Variants in FAM107B observed in about 807,000 individuals in gnomAD.
FAM107B encodes the protein protein FAM107B.
Under a neutral mutation model 31.5 loss-of-function variants are expected in FAM107B, and 21 were observed. The observed-to-expected ratio is 0.67, with a 90% CI of 0.47 to 0.96. The LOEUF (loss-of-function observed/expected upper bound fraction) is 0.96. FAM107B is among the 40% of genes least tolerant of loss of function. The pLI, the probability that FAM107B is intolerant of heterozygous loss-of-function variation, is 0.00. For missense variants in FAM107B, 452 were observed against 377.1 expected (o/e 1.20, Z -1.64); for synonymous variants, 157 against 141.5 (o/e 1.11, Z -0.78).
At chr10:14,543,585 C>T (rs1350123625) in intron 2 of FAM107B, among the ~76,000 whole-genome samples, 4 of 151,678 alleles carry the variant, frequency 2.6e-5, no homozygotes, top group Non-Finnish European at 5.9e-5. Flanking sequence ...CCTGTTTTGC[C>T]TGTCTACCAT....
Position 14,774,742 on chromosome 10 carries a change from T to C in FAM107B, c.-79A>G. On this transcript the variant is annotated 5_prime_UTR_variant, in exon 1 of 5. Coordinates refer to ENST00000181796, the MANE Select transcript of FAM107B (RefSeq NM_031453.4). The stretch of plus-strand genomic sequence containing the variant: ...GTCCACATCACCTCCACTTTGCTTA[T>C]AGGAACTCTTTCCAATTGCCCGAAG... 2.1e-6 allele frequency: 3 copies of C among 1,452,724 alleles called. No homozygotes were observed. Among genetic ancestry groups the C allele is most frequent in the Non-Finnish European group, 2.8e-6 (3 of 1,069,238 alleles). 90.0% of individuals were successfully genotyped at this position (1,452,724 alleles called of 1,614,324 possible). A position where few individuals can be genotyped will look rare whatever the true frequency, so the allele number is the denominator to read the frequency against.
At chr10:14,543,110 T>C (rs1171378821) in intron 2 of FAM107B, among the ~76,000 whole-genome samples, 2 of 152,166 alleles carry the variant, frequency 1.3e-5, no homozygotes, top group African/African-American at 4.8e-5. Context: ...TTCTCTCTCC[T>C]ATGTAAAGTA....
At chr10:14,570,361 A>C (rs1040095114) in intron 2 of FAM107B, among the ~76,000 whole-genome samples, 59 of 152,216 alleles carry the variant, frequency 3.9e-4, no homozygotes, top group African/African-American at 1.3e-3. Flanking sequence ...GTATGTAGCA[A>C]GACAAGCCAT....
intron 2 of FAM107B, among the ~76,000 whole-genome samples, chr10:14,591,605 G>A (rs532019503): frequency 1.3e-5 from 2 of 152,286 alleles, no homozygotes; most frequent in African/African-American, 2.4e-5. Flanking sequence ...AACAGTCATC[G>A]ATGAATGCTA....
At chr10:14,770,803 C>T (rs1336359472) in intron 1 of FAM107B, among the ~76,000 whole-genome samples, 2 of 151,904 alleles carry the variant, frequency 1.3e-5, no homozygotes, top group African/African-American at 4.8e-5. Flanking sequence ...CTAAACCAAA[C>T]AAAAATGTTT....
intron 2 of FAM107B, among the ~76,000 whole-genome samples, chr10:14,545,038 G>C (rs984575979): frequency 6.6e-6 from 1 of 152,132 alleles, no homozygotes; most frequent in Admixed American, 6.5e-5. Context: ...GTCTCTGGGG[G>C]GTGGGCCCGG....
intron 1 of FAM107B, among the ~76,000 whole-genome samples, chr10:14,766,290 G>T (rs1227258282): frequency 6.6e-6 from 1 of 152,166 alleles, no homozygotes; most frequent in Admixed American, 6.5e-5. Context: ...AAAAGACAAA[G>T]GATGGGCATG....
intron 2 of FAM107B, among the ~76,000 whole-genome samples, chr10:14,654,745 T>C (rs1341060831): frequency 2.0e-5 from 3 of 152,224 alleles, no homozygotes; most frequent in South Asian, 4.1e-4. Context: ...CACCAGTAAC[T>C]AAGTAGATAT....
At chr10:14,768,604 T>G (rs1032690660) in intron 1 of FAM107B, among the ~76,000 whole-genome samples, 2 of 152,236 alleles carry the variant, frequency 1.3e-5, no homozygotes, top group African/African-American at 4.8e-5. Context: ...AGAATGATGG[T>G]GGCACCACAA....
In FAM107B at chr10:14,650,809, T is replaced by C. The variant is rs564408689; in HGVS notation, c.469+16825A>G. Among the ~76,000 whole-genome samples the C allele has an allele frequency of 1.7e-3, 259 of 152,366 alleles. 1 individual carries two copies. The highest frequency in any genetic ancestry group is 6.8e-3 in the Middle Eastern group (2 of 294). On this transcript the variant is annotated intron_variant, in intron 2 of 4. Coordinates refer to ENST00000181796, the MANE Select transcript of FAM107B (RefSeq NM_031453.4). ...TATCACTAAATTTCAAGAAGTCGTATATGCTCATAGTAAAAGTAAAAATAA... is the reference window on the plus strand; with the variant it reads ...TATCACTAAATTTCAAGAAGTCGTACATGCTCATAGTAAAAGTAAAAATAA...
At chr10:14,636,219 G>C (rs1362618095) in intron 2 of FAM107B, among the ~76,000 whole-genome samples, 1 of 146,816 alleles carries the variant, frequency 6.8e-6, no homozygotes, top group African/African-American at 2.5e-5. Context: ...ATCAGAATAG[G>C]ATGGATATGC....
intron 1 of FAM107B, among the ~76,000 whole-genome samples, chr10:14,760,815 C>G (rs1009472297): frequency 6.6e-6 from 1 of 151,892 alleles, no homozygotes; most frequent in Non-Finnish European, 1.5e-5. Flanking sequence ...AGTTTGAGGC[C>G]AGCCTGGTCA....
intron 2 of FAM107B, among the ~76,000 whole-genome samples, chr10:14,589,916 C>A (rs1851961493): frequency 6.6e-6 from 1 of 152,178 alleles, no homozygotes; most frequent in Non-Finnish European, 1.5e-5. Flanking sequence ...TGTCTCTATG[C>A]CTCAACATCC....
At position 14,757,318 on chromosome 10, in the gene FAM107B, G is replaced by GA. The variant is rs71993133; in HGVS notation, c.411+16934dup. Among the ~76,000 whole-genome samples the GA allele has an allele frequency of 0.014, 1,871 of 132,140 alleles. 85 individuals are homozygous for GA. The East Asian group carries it at 0.17, about 12-fold the overall frequency. The allele number at this position is 132,140 out of a possible 152,430, so 86.7% of individuals were successfully genotyped here. A position where few individuals can be genotyped will look rare whatever the true frequency, so the allele number is the denominator to read the frequency against. ...TTCACAATAAATATTTTTGCTGACT[G>GA]AAAAAAAAAAAAAAAGACTGCAGTG... On this transcript the variant is annotated intron_variant, in intron 1 of 4. Transcript: ENST00000181796.
At position 14,593,194 on chromosome 10, in the gene FAM107B, TAA is replaced by T. The variant is rs539848251; in HGVS notation, c.470-62681_470-62680del. Among the ~76,000 whole-genome samples the T allele has an allele frequency of 2.7e-3, 413 of 152,232 alleles. 2 individuals are homozygous for T. Among genetic ancestry groups the T allele is most frequent in the African/African-American group, 9.5e-3 (394 of 41,578 alleles). On this transcript the variant is annotated intron_variant, in intron 2 of 4. Transcript: ENST00000181796. Reference sequence around the variant, plus strand: ...ATTCTTAAAACTAGGTATTCTAACATAAAAAGCTTTTTTGTTTGCTACTTTGA... The same window carrying T: ...ATTCTTAAAACTAGGTATTCTAACATAAAGCTTTTTTGTTTGCTACTTTGA...
intron 1 of FAM107B, among the ~76,000 whole-genome samples, chr10:14,748,815 G>A (rs748723482): frequency 5.9e-5 from 9 of 152,126 alleles, no homozygotes; most frequent in East Asian, 3.9e-4. Flanking sequence ...GACTAATACC[G>A]AGAGGTTTTG....
intron 2 of FAM107B, among the ~76,000 whole-genome samples, chr10:14,609,615 G>T (rs1852678292): frequency 6.6e-6 from 1 of 152,168 alleles, no homozygotes; most frequent in Non-Finnish European, 1.5e-5. Flanking sequence ...AAGTGCTCAT[G>T]TGATTAGGTC....
chr10:14,763,069 C>A (rs1035948665), intron 1 of FAM107B, among the ~76,000 whole-genome samples: 15 of 152,260 alleles, frequency 9.9e-5, no homozygotes, highest in African/African-American at 2.6e-4. Flanking sequence ...TCAAGACCAG[C>A]CTGGCCAACA....
intron 2 of FAM107B, among the ~76,000 whole-genome samples, chr10:14,553,039 C>A (rs901845634): frequency 1.3e-5 from 2 of 152,146 alleles, no homozygotes; most frequent in Non-Finnish European, 2.9e-5. Context: ...CTCTATACCA[C>A]CTGTCATGAT....
Sources: gnomAD v4.1 joint callset for allele counts (sites outside exome capture counted in the v4.1 genomes callset) on GRCh38, gnomAD v4.1.1 for gene constraint, MANE v1.5 for transcripts, NCBI Gene and HGNC (gene_info 2026-07-23, HGNC 2026-07-21) for gene names.